TENM1: variants seen among roughly 807,000 people sequenced by gnomAD.
TENM1 encodes the protein teneurin transmembrane protein 1, also known as teneurin-1.
In TENM1, 35 loss-of-function variants were observed where a neutral mutation model predicts 174.8. The observed-to-expected ratio is 0.20, with a 90% CI of 0.15 to 0.27. The LOEUF (loss-of-function observed/expected upper bound fraction) is 0.27, where lower values mean the gene tolerates loss of function less well. Ranked by LOEUF, TENM1 falls within the 10% of genes least tolerant of loss-of-function variation. The pLI is 1.00. For missense variants in TENM1, 1,633 were observed against 2,130.1 expected, an observed-to-expected ratio of 0.77 and a Z score of 4.59; for synonymous variants, 781 against 798.7, an observed-to-expected ratio of 0.98 and a Z score of 0.37.
At chrX:124,811,641 T>C (rs983864264) in intron 3 of TENM1, among the ~76,000 whole-genome samples, 1 of 111,713 alleles carries the variant, frequency 9.0e-6, no homozygotes, top group Admixed American at 9.5e-5. Context: ...GACTGTCATA[T>C]AATCCAGCAA....
chrX:124,950,457 C>T (rs1184615360), intron 1 of TENM1, among the ~76,000 whole-genome samples: 2 of 111,766 alleles, frequency 1.8e-5, no homozygotes, highest in Non-Finnish European at 3.8e-5. Context: ...GTGCTTAGTA[C>T]TAAATACTGT....
the TENM1 span, among the ~76,000 whole-genome samples, chrX:125,202,541 T>C: frequency 8.9e-6 from 1 of 111,902 alleles, no homozygotes; most frequent in Non-Finnish European, 1.9e-5. Context: ...TTGCTTCATA[T>C]TGGAGATGTA....
chrX:124,571,375 C>A (rs1381598612), intron 11 of TENM1, among the ~76,000 whole-genome samples: 1 of 111,525 alleles, frequency 9.0e-6, no homozygotes, highest in African/African-American at 3.2e-5. Flanking sequence ...GCCTGAAATG[C>A]ATGTAGTAGA....
chrX:124,849,049 T>C (rs2056666989), intron 3 of TENM1, among the ~76,000 whole-genome samples: 1 of 111,693 alleles, frequency 9.0e-6, no homozygotes, highest in Admixed American at 9.5e-5. Flanking sequence ...AGTAAAATTA[T>C]CCTTCAATAA....
chrX:125,071,621 T>C, the TENM1 span, among the ~76,000 whole-genome samples: 4 of 111,823 alleles, frequency 3.6e-5, no homozygotes, highest in African/African-American at 1.3e-4. Flanking sequence ...CTTCCCTAAA[T>C]ATTTTAGTAA....
At chrX:124,961,552 G>A (rs1005968822) in intron 1 of TENM1, among the ~76,000 whole-genome samples, 4 of 111,369 alleles carry the variant, frequency 3.6e-5, no homozygotes, top group Non-Finnish European at 3.8e-5. Flanking sequence ...GCTAAGGCAC[G>A]AGAATCACTT....
intron 1 of TENM1, among the ~76,000 whole-genome samples, chrX:124,948,543 T>TTTG (rs201956904): frequency 8.0e-5 from 9 of 111,977 alleles, no homozygotes; most frequent in Non-Finnish European, 1.5e-4. Flanking sequence ...ATTGTGTATT[T>TTTG]TTGTTGTTGT....
the TENM1 span, among the ~76,000 whole-genome samples, chrX:125,159,814 T>C: frequency 3.7e-3 from 412 of 111,788 alleles, 2 homozygotes; most frequent in African/African-American, 0.013. Flanking sequence ...ACATAGGAGA[T>C]TAAAGACAGA....
At chrX:124,999,146 T>C in the TENM1 span, among the ~76,000 whole-genome samples, 9 of 111,029 alleles carry the variant, frequency 8.1e-5, no homozygotes, top group African/African-American at 2.6e-4. Context: ...AAATCAATAA[T>C]AGCTTCCCTA....
intron 23 of TENM1, among the ~76,000 whole-genome samples, chrX:124,435,083 G>A (rs748395601): frequency 9.0e-6 from 1 of 111,431 alleles, no homozygotes. Flanking sequence ...TTGAGGCTGC[G>A]TGATGAGCCC....
intron 15 of TENM1, among the ~76,000 whole-genome samples, chrX:124,545,175 G>A (rs1045280601): frequency 3.6e-5 from 4 of 111,967 alleles, no homozygotes; most frequent in African/African-American, 1.3e-4. Context: ...GAGACCCATC[G>A]TTCTGAATTT....
chrX:124,607,249 A>G (rs906727084), intron 11 of TENM1, among the ~76,000 whole-genome samples: 2 of 111,179 alleles, frequency 1.8e-5, no homozygotes, highest in East Asian at 5.6e-4. Context: ...TATGGCAGAG[A>G]ATAATAAATG....
intron 6 of TENM1, among the ~76,000 whole-genome samples, chrX:124,668,324 T>A (rs1459793213): frequency 9.0e-6 from 1 of 111,327 alleles, no homozygotes; most frequent in Non-Finnish European, 1.9e-5. Context: ...AGAAATACCA[T>A]TTGACCCAGC....
At chrX:125,110,587 AT>A in the TENM1 span, among the ~76,000 whole-genome samples, 2,734 of 103,160 alleles carry the variant, frequency 0.027, 35 homozygotes, top group Middle Eastern at 0.051. Flanking sequence ...CCCCTATCCC[AT>A]TTTTTTTTTT....
the TENM1 span, among the ~76,000 whole-genome samples, chrX:125,181,679 G>A: frequency 8.9e-5 from 10 of 111,889 alleles, no homozygotes; most frequent in African/African-American, 3.3e-4. Context: ...CAAGGGGATA[G>A]GAGGAGGGAG....
chrX:125,162,474 A>G, the TENM1 span, among the ~76,000 whole-genome samples: 1 of 111,350 alleles, frequency 9.0e-6, no homozygotes, highest in East Asian at 2.8e-4. Flanking sequence ...CTTTTTTTCA[A>G]TTTTCAGCCT....
chrX:124,824,710 C>CA (rs964460895), intron 3 of TENM1, among the ~76,000 whole-genome samples: 2 of 111,998 alleles, frequency 1.8e-5, no homozygotes, highest in African/African-American at 6.5e-5. Flanking sequence ...TGTTTGGCTT[C>CA]AAAATCTAAC....
intron 4 of TENM1, among the ~76,000 whole-genome samples, chrX:124,717,692 A>G (rs947646544): frequency 8.9e-6 from 1 of 111,958 alleles, no homozygotes; most frequent in Admixed American, 9.5e-5. Flanking sequence ...AAAAAGTTTA[A>G]TTTAGTTGTA....
intron 3 of TENM1, among the ~76,000 whole-genome samples, chrX:124,741,796 T>C (rs181336272): frequency 4.3e-4 from 48 of 112,272 alleles, no homozygotes; most frequent in African/African-American, 1.5e-3. Flanking sequence ...TGCAGGTATA[T>C]ACATGTGCCC....
Sources: allele counts gnomAD v4.1 joint callset (sites outside exome capture counted in the v4.1 genomes callset), GRCh38; gene constraint gnomAD v4.1.1; transcripts MANE v1.5; gene names NCBI Gene and HGNC (gene_info 2026-07-23, HGNC 2026-07-21).